Variants in ADAMTS17 observed in about 807,000 individuals in gnomAD.
ADAMTS17 encodes A disintegrin and metalloproteinase with thrombospondin motifs 17.
In ADAMTS17, 113 loss-of-function variants were observed where a neutral mutation model predicts 141.5. The observed-to-expected ratio is 0.80, with a 90% CI of 0.69 to 0.93. The LOEUF is 0.93. ADAMTS17 is among the 40% of genes least tolerant of loss of function. The pLI is 0.00. For missense variants in ADAMTS17, 1,659 were observed against 1,517.9 expected (o/e 1.09, Z -1.54); for synonymous variants, 768 against 630.6 (o/e 1.22, Z -3.27).
At chr15:100,292,386 G>A (rs576155333) in intron 3 of ADAMTS17, among the ~76,000 whole-genome samples, 2 of 151,192 alleles carry the variant, frequency 1.3e-5, no homozygotes, top group Non-Finnish European at 1.5e-5. Flanking sequence ...TGCTCACCCC[G>A]TGTGAAATTA....
intron 14 of ADAMTS17, among the ~76,000 whole-genome samples, chr15:100,102,361 C>CG (rs1567175882): frequency 2.3e-5 from 3 of 128,768 alleles, no homozygotes; most frequent in East Asian, 4.3e-4. Context: ...ATTTGAGGGC[C>CG]AACCGAAGGG....
At chr15:100,308,427 T>A (rs574537889) in intron 3 of ADAMTS17, among the ~76,000 whole-genome samples, 1 of 152,290 alleles carries the variant, frequency 6.6e-6, no homozygotes, top group African/African-American at 2.4e-5. Flanking sequence ...GCTGGTAGAA[T>A]CCTCAGGCTT....
chr15:100,024,638 C>T (rs192103521), intron 18 of ADAMTS17, among the ~76,000 whole-genome samples: 31 of 152,302 alleles, frequency 2.0e-4, no homozygotes, highest in Admixed American at 6.5e-4. Context: ...TATGCTTGTT[C>T]TCTAGTGACG....
At chr15:100,253,747 C>T (rs1159420539) in intron 7 of ADAMTS17, among the ~76,000 whole-genome samples, 1 of 152,122 alleles carries the variant, frequency 6.6e-6, no homozygotes, top group African/African-American at 2.4e-5. Flanking sequence ...AGGTCATGTG[C>T]ATGCATGAGA....
At chr15:100,019,437 A>G (rs1001875209) in intron 18 of ADAMTS17, among the ~76,000 whole-genome samples, 8 of 152,192 alleles carry the variant, frequency 5.3e-5, no homozygotes, top group Non-Finnish European at 1.2e-4. Flanking sequence ...TTATTAGTTA[A>G]TCTCGGTACT....
chr15:100,145,748 C>T (rs8034516), intron 10 of ADAMTS17, among the ~76,000 whole-genome samples: 1 of 152,220 alleles, frequency 6.6e-6, no homozygotes, highest in Non-Finnish European at 1.5e-5. Flanking sequence ...TGCTTAATCA[C>T]AGGAATAAGC....
At chr15:100,248,205 C>G (rs552205373) in intron 7 of ADAMTS17, among the ~76,000 whole-genome samples, 4 of 152,242 alleles carry the variant, frequency 2.6e-5, no homozygotes, top group Non-Finnish European at 5.9e-5. Context: ...AAAGGGAGGC[C>G]CTTCCATTAA....
chr15:99,990,941 C>G (rs538896227), intron 20 of ADAMTS17, among the ~76,000 whole-genome samples: 1 of 152,228 alleles, frequency 6.6e-6, no homozygotes, highest in Non-Finnish European at 1.5e-5. Flanking sequence ...TATTTAATAC[C>G]CGGTGTTGGG....
At chr15:100,046,562 C>T (rs1202416102) in intron 18 of ADAMTS17, among the ~76,000 whole-genome samples, 1 of 152,202 alleles carries the variant, frequency 6.6e-6, no homozygotes, top group Non-Finnish European at 1.5e-5. Flanking sequence ...CGGCTGAAGC[C>T]ATGGCAGAAG....
chr15:100,175,448 G>GC (rs2040305212), intron 8 of ADAMTS17, among the ~76,000 whole-genome samples: 2 of 152,050 alleles, frequency 1.3e-5, no homozygotes, highest in African/African-American at 4.8e-5. Flanking sequence ...AACGTCGTAT[G>GC]CCCCCCAGTC....
At chr15:100,191,309 G>A (rs1002441448) in intron 8 of ADAMTS17, among the ~76,000 whole-genome samples, 8 of 152,228 alleles carry the variant, frequency 5.3e-5, no homozygotes, top group African/African-American at 1.9e-4. Context: ...GCCTCTCCAC[G>A]GCTGGACTTC....
At position 100,108,909 on chromosome 15, in the gene ADAMTS17, T is replaced by C. The variant is rs557933306; in HGVS notation, c.2016+80A>G. 2.1e-5 allele frequency: 33 copies of C among 1,607,610 alleles called. No homozygotes were observed. The South Asian group carries it at 3.4e-4, about 17-fold the overall frequency. On this transcript the variant is annotated intron_variant, in intron 14 of 21. Transcript: ENST00000268070. ...ACTCCCCTAGGCCTCCTGAGACCTC[T>C]GCTCTACCCCACTCCCTGTCTGGGG...
chr15:100,153,272 C>T (rs933997615), intron 9 of ADAMTS17, among the ~76,000 whole-genome samples: 4 of 152,274 alleles, frequency 2.6e-5, no homozygotes, highest in African/African-American at 7.2e-5. Context: ...AAGCCACTGG[C>T]AACACTCGCC....
intron 18 of ADAMTS17, among the ~76,000 whole-genome samples, chr15:100,029,560 A>G (rs1455503501): frequency 4.6e-5 from 7 of 152,082 alleles, no homozygotes; most frequent in Non-Finnish European, 1.0e-4. Flanking sequence ...CAACGCCTGG[A>G]GCCTCCTGCA....
At chr15:100,032,710 A>G (rs1313699501) in intron 18 of ADAMTS17, among the ~76,000 whole-genome samples, 2 of 152,246 alleles carry the variant, frequency 1.3e-5, no homozygotes. Context: ...GAGAAAGCAG[A>G]AAGTATGTAA....
At chr15:100,316,334 C>G (rs1359896201) in intron 3 of ADAMTS17, among the ~76,000 whole-genome samples, 1 of 152,186 alleles carries the variant, frequency 6.6e-6, no homozygotes, top group Non-Finnish European at 1.5e-5. Context: ...GAAGCCCACT[C>G]CCTTGGCCTG....
chr15:100,232,372 C>T (rs1305875156), intron 7 of ADAMTS17, among the ~76,000 whole-genome samples: 2 of 152,208 alleles, frequency 1.3e-5, no homozygotes, highest in African/African-American at 2.4e-5. Flanking sequence ...GTTCAAGTCC[C>T]GGGTATCGAC....
At chr15:99,977,093 A>C (rs1194859339) in intron 20 of ADAMTS17, among the ~76,000 whole-genome samples, 1 of 151,984 alleles carries the variant, frequency 6.6e-6, no homozygotes, top group Admixed American at 6.6e-5. Flanking sequence ...TGAATTTCCC[A>C]CAAGCCTGGA....
At chr15:100,286,534 A>G (rs937702292) in intron 3 of ADAMTS17, among the ~76,000 whole-genome samples, 4 of 152,198 alleles carry the variant, frequency 2.6e-5, no homozygotes, top group African/African-American at 9.7e-5. Context: ...GGCACCTCAG[A>G]GTTAAAGCAC....
Sources: allele counts gnomAD v4.1 joint callset (sites outside exome capture counted in the v4.1 genomes callset), GRCh38; gene constraint gnomAD v4.1.1; transcripts MANE v1.5; gene names NCBI Gene and HGNC (gene_info 2026-07-23, HGNC 2026-07-21).